DSG4: variants seen among roughly 807,000 people sequenced by gnomAD.
DSG4 encodes desmoglein 4, also known as desmoglein-4.
Under a neutral mutation model 93.1 loss-of-function variants are expected in DSG4, and 87 were observed. The ratio of observed to expected loss-of-function variants is 0.93; its 90% CI spans 0.79 to 1.12. The LOEUF (loss-of-function observed/expected upper bound fraction) is 1.12, where lower values mean the gene tolerates loss of function less well. Ranked by LOEUF, DSG4 falls within the 50% of genes most tolerant of loss-of-function variation. The pLI is 0.00. For synonymous variants in DSG4, 432 were observed against 452.9 expected (o/e 0.95, Z 0.59); for missense variants, 1,373 against 1,285.7 (o/e 1.07, Z -1.04).
intron 2 of DSG4, among the ~76,000 whole-genome samples, chr18:31,385,973 T>C (rs2072182652): frequency 6.6e-6 from 1 of 152,132 alleles, no homozygotes; most frequent in African/African-American, 2.4e-5. Flanking sequence ...GCACATGTAG[T>C]GACATTTCTA....
intron 8 of DSG4, among the ~76,000 whole-genome samples, chr18:31,394,579 T>G (rs1438121347): frequency 6.6e-6 from 1 of 151,674 alleles, no homozygotes; most frequent in Non-Finnish European, 1.5e-5. Flanking sequence ...CTTAACAACA[T>G]GAGTTCAACT....
intron 10 of DSG4, among the ~76,000 whole-genome samples, chr18:31,402,726 G>A (rs184890414): frequency 3.0e-4 from 45 of 152,144 alleles, no homozygotes; most frequent in Admixed American, 9.8e-4. Context: ...TTCCGTATTC[G>A]CTGTAACAGA....
intron 14 of DSG4, among the ~76,000 whole-genome samples, chr18:31,410,679 A>G (rs2072477449): frequency 6.6e-6 from 1 of 152,216 alleles, no homozygotes; most frequent in Non-Finnish European, 1.5e-5. Flanking sequence ...CTACTTAGCT[A>G]TATGGCAATG....
In DSG4 at chr18:31,389,072, C is replaced by T. The variant is rs567223520; in HGVS notation, c.517+54C>T. On this transcript the variant is annotated intron_variant, in intron 5 of 15. Coordinates refer to ENST00000308128, the MANE Select transcript of DSG4 (RefSeq NM_177986.5). ...TCACAGCATATCTACTTCTCTTGGT[C>T]AAAAGCTTTAGAGGACTGACATACA... The T allele has an allele frequency of 1.2e-5, 19 of 1,601,004 alleles. No individual in the cohort carries two copies. In the African/African-American group the frequency reaches 2.3e-4, roughly 19 times the overall value.
At chr18:31,411,110 C>T (rs768527136) in intron 14 of DSG4, 121 bp from the exon 15 acceptor site, 10 of 1,600,040 alleles carry the variant, frequency 6.2e-6, no homozygotes, top group Non-Finnish European at 2.6e-6. Flanking sequence ...TCTTTGTCAG[C>T]TTTTTAGCGC....
At chr18:31,395,372 A>G (rs2072295020) in intron 8 of DSG4, among the ~76,000 whole-genome samples, 1 of 152,124 alleles carries the variant, frequency 6.6e-6, no homozygotes, top group African/African-American at 2.4e-5. Context: ...TTTCTGAATG[A>G]TAACTTTCCA....
In DSG4 at chr18:31,398,308, G is replaced by A. The variant is rs78064428; in HGVS notation, c.1006-964G>A. Among the ~76,000 whole-genome samples, 1,089 of 152,210 alleles carry A rather than the reference G, an allele frequency of 7.2e-3. 7 individuals are homozygous for A. The highest frequency in any genetic ancestry group is 0.025 in the African/African-American group (1,047 of 41,532). On this transcript the variant is annotated intron_variant, in intron 8 of 15. Transcript: ENST00000308128. ...AGGGTTTTGGCTGAAATTCAAGCAC[G>A]GCATGCTGAGCCATCTCCAAAGAAG...
rs543151730 is a variant in DSG4, at chr18:31,405,163, T to A, written c.1637-914T>A. The stretch of plus-strand genomic sequence containing the variant: ...TATTGTGTGCTATGGATCAATCAGT[T>A]ACTATTCATGGTTTAGCTGTAAATT... On this transcript the variant is annotated intron_variant, in intron 11 of 15. Coordinates refer to ENST00000308128, the MANE Select transcript of DSG4 (RefSeq NM_177986.5). 1.4e-4 allele frequency among the ~76,000 whole-genome samples: 22 copies of A among 152,366 alleles called. No homozygotes were observed. In the South Asian group the frequency reaches 4.6e-3, roughly 32 times the overall value.
Position 31,388,885 on chromosome 18 carries a change from G to C in DSG4, c.384G>C (p.Arg128=), listed in dbSNP as rs1426237381. ...CCAATTTTCCACAGATCTATTGCCG[G>C]GCTCTGAATTCACGGGGTGAAGATT... ...EITPLFLIYC[R]ALNSRGEDLE... is the part of the protein sequence containing the mutation. Residue 128 remains arginine (R), a synonymous_variant, in exon 5 of 16, where the codon CGG becomes CGC. Transcript: ENST00000308128. The C allele has an allele frequency of 3.7e-6, 6 of 1,613,364 alleles. No individual in the cohort carries two copies. The highest frequency in any genetic ancestry group is 5.1e-6 in the Non-Finnish European group (6 of 1,179,630).
In DSG4 at chr18:31,376,852, G is replaced by A; in HGVS notation, c.-60G>A. 1 of 1,598,160 alleles carries A rather than the reference G, an allele frequency of 6.3e-7. No individual in the cohort carries two copies. Among genetic ancestry groups the A allele is most frequent in the South Asian group, 1.1e-5 (1 of 90,640 alleles). On this transcript the variant is annotated 5_prime_UTR_variant, in exon 1 of 16. Coordinates refer to ENST00000308128, the MANE Select transcript of DSG4 (RefSeq NM_177986.5). ...TTTCTGTAGAGCAGAATTCGGAACT[G>A]AGAAGACGAGGGCTCAAATTGAATC...
chr18:31,377,092 C>G (rs1598730451), intron 1 of DSG4, 133 bp downstream of exon 1: 1 of 1,017,358 alleles, frequency 9.8e-7, no homozygotes, highest in East Asian at 2.6e-5. Context: ...GAAGTCCAGC[C>G]TCTGTTAATT....
At position 31,414,260 on chromosome 18, in the gene DSG4, G is replaced by C. The variant is rs1311090156; in HGVS notation, c.*665G>C. On this transcript the variant is annotated 3_prime_UTR_variant, in exon 16 of 16. Transcript: ENST00000308128. ...TTTATTGAACTTTATTGATTTATAT[G>C]ATTAACTGTAAATTAATCTAGAATA... is the stretch of plus-strand genomic sequence containing the variant. 4.6e-5 allele frequency: 7 copies of C among 151,966 alleles called. No individual in the cohort carries two copies. Among genetic ancestry groups the C allele is most frequent in the Non-Finnish European group, 1.0e-4 (7 of 68,010 alleles). The allele number at this position is 151,966 out of a possible 1,614,324, so 9.4% of individuals were successfully genotyped here. A position where few individuals can be genotyped will look rare whatever the true frequency, so the allele number is the denominator to read the frequency against.
chr18:31,392,243 G>A lies in DSG4; in HGVS notation c.908G>A (p.Trp303Ter), dbSNP rs2072258318. The A allele has an allele frequency of 1.2e-6, 2 of 1,613,640 alleles. No homozygotes were observed. The highest frequency in any genetic ancestry group is 2.2e-5 in the South Asian group (2 of 91,072). ...IDLDEEGTDN[W>*]LAQYLILSGN... is the part of the protein sequence containing the mutation. ...CTTGATGAAGAAGGCACTGATAACT[G>A]GTTGGCTCAATATTTAATTCTCTCT... Residue 303 changes from tryptophan (W) to a stop codon, truncating the protein, a stop_gained, in exon 8 of 16, where the codon TGG (tryptophan) becomes TAG (stop). Coordinates refer to ENST00000308128, the MANE Select transcript of DSG4 (RefSeq NM_177986.5). LOFTEE classifies it high-confidence loss of function.
At chr18:31,397,966 G>A (rs540337804) in intron 8 of DSG4, among the ~76,000 whole-genome samples, 95 of 143,306 alleles carry the variant, frequency 6.6e-4, no homozygotes, top group Admixed American at 3.0e-3. Flanking sequence ...GGCAGAGGTT[G>A]CAATGAGCTG....
intron 1 of DSG4, among the ~76,000 whole-genome samples, chr18:31,383,533 A>T (rs1389351524): frequency 6.6e-6 from 1 of 152,172 alleles, no homozygotes; most frequent in East Asian, 1.9e-4. Context: ...ATCTAGTTTT[A>T]AAACTCTAGT....
rs186544518 is a variant in DSG4, at chr18:31,382,818, A to T, written c.49-2318A>T. The stretch of plus-strand genomic sequence containing the variant: ...ACAGCATAGGTTCTGCTAGATGAAA[A>T]CCCTGGGTCCTAGTATTCCACTTCC... On this transcript the variant is annotated intron_variant, in intron 1 of 15. Transcript: ENST00000308128. Among the ~76,000 whole-genome samples the T allele has an allele frequency of 3.1e-3, 465 of 152,140 alleles. 1 individual carries two copies. The highest frequency in any genetic ancestry group is 0.01 in the Middle Eastern group (3 of 294).
intron 1 of DSG4, among the ~76,000 whole-genome samples, chr18:31,379,175 C>G (rs901692824): frequency 2.0e-5 from 3 of 152,180 alleles, no homozygotes; most frequent in African/African-American, 7.2e-5. Context: ...GAGGGACATT[C>G]AACAGTGAAT....
chr18:31,391,259 A>C, intron 7 of DSG4, 47 bp downstream of exon 7: 1 of 1,610,662 alleles, frequency 6.2e-7, no homozygotes, highest in Non-Finnish European at 8.5e-7. Flanking sequence ...GTCAATAATC[A>C]ATTTGCATAA....
intron 7 of DSG4, among the ~76,000 whole-genome samples, chr18:31,391,854 C>G (rs1027479775): frequency 6.6e-6 from 1 of 151,714 alleles, no homozygotes; most frequent in Non-Finnish European, 1.5e-5. Context: ...ATCTGGTCCT[C>G]TATCTAAAAG....
Sources: gnomAD v4.1 joint callset for allele counts (sites outside exome capture counted in the v4.1 genomes callset) on GRCh38, gnomAD v4.1.1 for gene constraint, MANE v1.5 for transcripts, NCBI Gene and HGNC (gene_info 2026-07-23, HGNC 2026-07-21) for gene names.